The following WWP2 variants were observed in gnomAD, a reference collection of about 807,000 sequenced individuals.
The protein encoded by WWP2 is NEDD4-like E3 ubiquitin-protein ligase WWP2.
Under a neutral mutation model 121.0 loss-of-function variants are expected in WWP2, and 57 were observed. That is an observed-to-expected ratio of 0.47 (90% CI 0.38 to 0.59). The LOEUF is 0.59. Ranked by LOEUF, WWP2 falls within the 20% of genes least tolerant of loss-of-function variation. WWP2 has a pLI of 0.00. For missense variants in WWP2, 962 were observed against 1,158.9 expected (o/e 0.83, Z 2.47); for synonymous variants, 449 against 441.3 (o/e 1.02, Z -0.22).
chr16:69,904,451 C>T (rs959622250), intron 8 of WWP2, among the ~76,000 whole-genome samples: 1 of 151,924 alleles, frequency 6.6e-6, no homozygotes, highest in African/African-American at 2.4e-5. Context: ...TCACTGCAGC[C>T]TCCAACTCCT....
At chr16:69,764,331 G>A (rs2038681923) in intron 1 of WWP2, among the ~76,000 whole-genome samples, 1 of 152,120 alleles carries the variant, frequency 6.6e-6, no homozygotes. Flanking sequence ...CTCCCAAACA[G>A]CTGGGACTAC....
In WWP2 at chr16:69,931,232, G is replaced by A; in HGVS notation, c.1521+5G>A. 2 of 1,614,152 alleles carry A rather than the reference G, an allele frequency of 1.2e-6. No individual in the cohort carries two copies. The highest frequency in any genetic ancestry group is 1.7e-6 in the Non-Finnish European group (2 of 1,180,038). ...CAGTTCCGTTTCCTCTGCCATGTGA[G>A]TTCTGGTACTGGGGCTCCCGTGGCA... On this transcript the variant is annotated splice_donor_5th_base_variant and intron_variant, in intron 14 of 23. Coordinates refer to ENST00000359154, the MANE Select transcript of WWP2 (RefSeq NM_001270454.2).
chr16:69,929,204 G>C (rs1567439111), intron 11 of WWP2, among the ~76,000 whole-genome samples: 1 of 151,956 alleles, frequency 6.6e-6, no homozygotes, highest in Non-Finnish European at 1.5e-5. Flanking sequence ...ATCAACCAAA[G>C]AAGTGCTTCA....
chr16:69,838,610 A>C, intron 4 of WWP2: 1 of 341,312 alleles, frequency 2.9e-6, no homozygotes, highest in Non-Finnish European at 4.1e-6. Flanking sequence ...CTGGGGCTGG[A>C]GCAGCTGCTT....
At chr16:69,923,721 T>G (rs2151979965) in intron 10 of WWP2, among the ~76,000 whole-genome samples, 1 of 152,362 alleles carries the variant, frequency 6.6e-6, no homozygotes, top group South Asian at 2.1e-4. Flanking sequence ...TCTATAGTCC[T>G]TCCCTTTTGC....
At chr16:69,810,679 C>G (rs1364332688) in intron 4 of WWP2, among the ~76,000 whole-genome samples, 1 of 151,834 alleles carries the variant, frequency 6.6e-6, no homozygotes, top group East Asian at 1.9e-4. Context: ...ATCCGCCTGC[C>G]TTGGCCTCCC....
intron 10 of WWP2, among the ~76,000 whole-genome samples, chr16:69,918,522 A>G (rs1405155249): frequency 6.6e-6 from 1 of 152,260 alleles, no homozygotes; most frequent in Non-Finnish European, 1.5e-5. Context: ...GTTAAGTATC[A>G]CAATAAAGAC....
At chr16:69,815,269 C>T (rs568474544) in intron 4 of WWP2, among the ~76,000 whole-genome samples, 118 of 152,262 alleles carry the variant, frequency 7.7e-4, no homozygotes, top group African/African-American at 2.6e-3. Flanking sequence ...TCCCAAAGTG[C>T]TGGGATTACG....
At chr16:69,857,614 TTG>T (rs1038123894) in intron 6 of WWP2, among the ~76,000 whole-genome samples, 52 of 152,074 alleles carry the variant, frequency 3.4e-4, no homozygotes, top group African/African-American at 1.2e-3. Flanking sequence ...TGGGTCTACT[TTG>T]TGTGTTTTGT....
intron 2 of WWP2, among the ~76,000 whole-genome samples, chr16:69,797,271 G>A (rs2056067369): frequency 1.3e-5 from 2 of 152,124 alleles, no homozygotes; most frequent in Admixed American, 6.5e-5. Flanking sequence ...GATGACTAAC[G>A]ACACATGGCA....
At chr16:69,800,924 G>A (rs1008550490) in intron 4 of WWP2, among the ~76,000 whole-genome samples, 50 of 148,810 alleles carry the variant, frequency 3.4e-4, no homozygotes, top group Non-Finnish European at 5.9e-4. Flanking sequence ...GGTAGCTCAC[G>A]CCTGTAATCC....
At chr16:69,806,903 A>G (rs1459728172) in intron 4 of WWP2, among the ~76,000 whole-genome samples, 1 of 151,968 alleles carries the variant, frequency 6.6e-6, no homozygotes, top group East Asian at 1.9e-4. Flanking sequence ...CTTTAGCTTT[A>G]TTAACTTTTC....
At chr16:69,780,581 A>G (rs1255237110) in intron 1 of WWP2, among the ~76,000 whole-genome samples, 2 of 152,186 alleles carry the variant, frequency 1.3e-5, no homozygotes, top group Non-Finnish European at 2.9e-5. Context: ...CGCTGCCTCC[A>G]CAGGCATGTG....
intron 8 of WWP2, among the ~76,000 whole-genome samples, chr16:69,893,732 C>T (rs1475490599): frequency 6.6e-6 from 1 of 152,068 alleles, no homozygotes; most frequent in Non-Finnish European, 1.5e-5. Flanking sequence ...TTAGTAGAGC[C>T]AGGGTTTCAC....
chr16:69,833,002 C>T (rs920243660), intron 4 of WWP2, among the ~76,000 whole-genome samples: 3 of 152,084 alleles, frequency 2.0e-5, no homozygotes, highest in Admixed American at 1.3e-4. Context: ...CGCAGGTGCA[C>T]GCCACCACGT....
chr16:69,887,310 G>A (rs112472736), intron 7 of WWP2, among the ~76,000 whole-genome samples: 1 of 152,174 alleles, frequency 6.6e-6, no homozygotes, highest in East Asian at 1.9e-4. Flanking sequence ...CTTTTTGAAA[G>A]AAGGTGCTAG....
intron 4 of WWP2, among the ~76,000 whole-genome samples, chr16:69,810,913 C>T (rs1001188559): frequency 6.6e-6 from 1 of 151,984 alleles, no homozygotes; most frequent in Non-Finnish European, 1.5e-5. Context: ...CACCACCACG[C>T]CCAGCTAATT....
At chr16:69,784,108 T>C (rs1469698136) in intron 1 of WWP2, among the ~76,000 whole-genome samples, 1 of 139,752 alleles carries the variant, frequency 7.2e-6, no homozygotes, top group Admixed American at 7.2e-5. Flanking sequence ...TTTTTTTTTT[T>C]TTTTTTTTGA....
chr16:69,880,113 T>C (rs955966992), intron 7 of WWP2, among the ~76,000 whole-genome samples: 4 of 150,958 alleles, frequency 2.6e-5, no homozygotes, highest in African/African-American at 9.7e-5. Flanking sequence ...TTTATAGTGT[T>C]ATATGTGTCA....
Sources: gnomAD v4.1 joint callset for allele counts (sites outside exome capture counted in the v4.1 genomes callset) on GRCh38, gnomAD v4.1.1 for gene constraint, MANE v1.5 for transcripts, NCBI Gene and HGNC (gene_info 2026-07-23, HGNC 2026-07-21) for gene names.